SPAG16: variants seen among roughly 807,000 people sequenced by gnomAD.
SPAG16 encodes the protein sperm-associated antigen 16 protein.
SPAG16 carries 86 observed loss-of-function variants against 80.4 expected under a neutral mutation model. That is an observed-to-expected ratio of 1.07 (90% confidence interval 0.90 to 1.28). The LOEUF is 1.28. Among genes scored for constraint, SPAG16 ranks in the 50% most tolerant of loss-of-function variants. The probability of loss-of-function intolerance (pLI) is 0.00; values close to 1 mark genes in which losing one functional copy is unlikely to be tolerated. For synonymous variants in SPAG16, 294 were observed against 265.9 expected (o/e 1.11, Z -1.03); for missense variants, 870 against 765.3 (o/e 1.14, Z -1.61).
intron 11 of SPAG16, among the ~76,000 whole-genome samples, chr2:213,913,601 GTA>G (rs2077792869): frequency 1.4e-4 from 1 of 7,398 alleles, no homozygotes; most frequent in Non-Finnish European, 9.3e-4. Context: ...ATATGTATAT[GTA>G]CATGTACATA....
intron 10 of SPAG16, among the ~76,000 whole-genome samples, chr2:213,504,824 G>A (rs544013426): frequency 9.8e-5 from 15 of 152,314 alleles, no homozygotes; most frequent in African/African-American, 3.6e-4. Context: ...ATGTCCCTGT[G>A]GAGATGTGCA....
intron 10 of SPAG16, among the ~76,000 whole-genome samples, chr2:213,497,905 A>G (rs1486575871): frequency 1.7e-4 from 26 of 152,120 alleles, no homozygotes; most frequent in Non-Finnish European, 2.9e-5. Flanking sequence ...AAATATAGAA[A>G]GCATCTCTCA....
rs1338455574 is a variant in SPAG16 at position 214,059,184 on chromosome 2, G to GTC, written c.1527+45109_1527+45110dup. Among the ~76,000 whole-genome samples the GTC allele has an allele frequency of 1.3e-3, 74 of 58,398 alleles. 1 individual carries two copies. The East Asian group carries it at 0.032, about 25-fold the overall frequency. The allele number at this position is 58,398 out of a possible 152,430, so 38.3% of individuals were successfully genotyped here. A position where few individuals can be genotyped will look rare whatever the true frequency, so the allele number is the denominator to read the frequency against. ...AGAGCAAGACTCTGTCTCTCTCTCT[G>GTC]TCTATATATATATATATATATATAT... On this transcript the variant is annotated intron_variant, in intron 13 of 15. Transcript: ENST00000331683.
chr2:214,097,649 A>G (rs2052685279), intron 13 of SPAG16, among the ~76,000 whole-genome samples: 1 of 151,928 alleles, frequency 6.6e-6, no homozygotes, highest in Non-Finnish European at 1.5e-5. Context: ...GGGTGCATTT[A>G]CCAAACTTGC....
At chr2:213,606,958 ATAT>A (rs2061283472) in intron 10 of SPAG16, among the ~76,000 whole-genome samples, 4 of 152,256 alleles carry the variant, frequency 2.6e-5, no homozygotes, top group Admixed American at 1.3e-4. Flanking sequence ...AGAAGGCAAA[ATAT>A]TATCATGGAA....
intron 12 of SPAG16, among the ~76,000 whole-genome samples, chr2:213,946,701 A>G (rs914879499): frequency 3.3e-5 from 5 of 152,186 alleles, no homozygotes; most frequent in African/African-American, 1.2e-4. Flanking sequence ...AACAGTTTCT[A>G]CATGCAGATT....
intron 9 of SPAG16, among the ~76,000 whole-genome samples, chr2:213,421,777 C>A (rs1305450035): frequency 6.6e-6 from 1 of 152,146 alleles, no homozygotes; most frequent in African/African-American, 2.4e-5. Context: ...CTCATTCAGA[C>A]AACCTGCCTG....
chr2:213,895,393 A>G (rs1203385666), intron 11 of SPAG16, among the ~76,000 whole-genome samples: 6 of 151,978 alleles, frequency 3.9e-5, no homozygotes, highest in African/African-American at 1.5e-4. Flanking sequence ...TACCAATGCC[A>G]TTTTCACAGA....
chr2:214,356,968 C>T (rs1698851458), intron 15 of SPAG16, among the ~76,000 whole-genome samples: 1 of 151,834 alleles, frequency 6.6e-6, no homozygotes, highest in African/African-American at 2.4e-5. Flanking sequence ...GTCTCTAATA[C>T]CCTCATTTTG....
Position 213,296,118 on chromosome 2 carries a change from G to A in SPAG16, c.183+8G>A, listed in dbSNP as rs780130276. 3.8e-6 allele frequency: 6 copies of A among 1,587,472 alleles called. No individual in the cohort carries two copies. Among genetic ancestry groups the A allele is most frequent in the Non-Finnish European group, 2.6e-6 (3 of 1,157,712 alleles). ...GACTATGAATATGAAGAGGTAACAT[G>A]TTAATTTTAGGTGTTTATTCTGTAA... On this transcript the variant is annotated splice_region_variant and intron_variant, in intron 2 of 15. Transcript: ENST00000331683.
At chr2:213,833,486 T>A (rs1434674866) in intron 10 of SPAG16, among the ~76,000 whole-genome samples, 2 of 3,608 alleles carry the variant, frequency 5.5e-4, no homozygotes, top group African/African-American at 1.2e-3. Context: ...AATATATATA[T>A]TATATATAAT....
chr2:213,647,930 A>C (rs2062879615), intron 10 of SPAG16, among the ~76,000 whole-genome samples: 1 of 152,124 alleles, frequency 6.6e-6, no homozygotes, highest in African/African-American at 2.4e-5. Context: ...GGCTCATAGG[A>C]GGTAGATGTG....
chr2:213,649,776 T>C (rs2062957783), intron 10 of SPAG16, among the ~76,000 whole-genome samples: 1 of 152,106 alleles, frequency 6.6e-6, no homozygotes, highest in African/African-American at 2.4e-5. Context: ...AGAAAGGTTC[T>C]TGTTTGGTTG....
intron 10 of SPAG16, among the ~76,000 whole-genome samples, chr2:213,572,825 C>T (rs1341781559): frequency 3.3e-5 from 5 of 152,158 alleles, no homozygotes; most frequent in Non-Finnish European, 7.4e-5. Flanking sequence ...TGGCGGGCGC[C>T]CCTCCCCCAG....
At chr2:213,727,820 T>C (rs1048398052) in intron 10 of SPAG16, among the ~76,000 whole-genome samples, 1 of 152,218 alleles carries the variant, frequency 6.6e-6, no homozygotes, top group African/African-American at 2.4e-5. Flanking sequence ...GGAGGTGCTT[T>C]AGTCAGATTA....
chr2:213,437,647 A>G (rs1451508230), intron 9 of SPAG16, among the ~76,000 whole-genome samples: 1 of 152,104 alleles, frequency 6.6e-6, no homozygotes, highest in Non-Finnish European at 1.5e-5. Context: ...AGTGACCTTT[A>G]CTTTTTACCC....
At chr2:213,669,012 T>G (rs897260480) in intron 10 of SPAG16, among the ~76,000 whole-genome samples, 1 of 152,222 alleles carries the variant, frequency 6.6e-6, no homozygotes, top group Non-Finnish European at 1.5e-5. Flanking sequence ...TTTATTATAT[T>G]CAAAATGCAA....
intron 10 of SPAG16, among the ~76,000 whole-genome samples, chr2:213,666,802 G>C (rs1214290561): frequency 6.6e-6 from 1 of 152,184 alleles, no homozygotes; most frequent in African/African-American, 2.4e-5. Flanking sequence ...GGAGAAGGAA[G>C]GCCAGTACAA....
chr2:213,924,783 C>G (rs1264203529), intron 11 of SPAG16, among the ~76,000 whole-genome samples: 1 of 152,050 alleles, frequency 6.6e-6, no homozygotes, highest in East Asian at 1.9e-4. Context: ...TCTTTTATGT[C>G]TTTTAGCTTC....
Sources: allele counts gnomAD v4.1 joint callset (sites outside exome capture counted in the v4.1 genomes callset), GRCh38; gene constraint gnomAD v4.1.1; transcripts MANE v1.5; gene names NCBI Gene and HGNC (gene_info 2026-07-23, HGNC 2026-07-21).